The following GFY variants were observed in gnomAD, a reference collection of about 807,000 sequenced individuals.
GFY encodes Golgi-associated olfactory signaling regulator.
GFY carries 28 observed loss-of-function variants against 29.1 expected under a neutral mutation model. The ratio of observed to expected loss-of-function variants is 0.96; its 90% CI spans 0.71 to 1.32. GFY has a LOEUF of 1.32. Among genes scored for constraint, GFY ranks in the 40% most tolerant of loss-of-function variants. GFY has a pLI of 0.00. For missense variants in GFY, 656 were observed against 661.9 expected, an observed-to-expected ratio of 0.99 and a Z score of 0.10; for synonymous variants, 277 against 274.5, an observed-to-expected ratio of 1.01 and a Z score of -0.09.
At chr19:49,425,133 C>T (rs920132902), upstream of GFY, among the ~76,000 whole-genome samples, 1 of 151,872 alleles carries the variant, frequency 6.6e-6, no homozygotes, top group Non-Finnish European at 1.5e-5. Context: ...GGGGATACAA[C>T]TTAGGGGACT....
In GFY at chr19:49,427,409, C is replaced by T. The variant is rs1568631817; in HGVS notation, c.979C>T (p.Pro327Ser). 2.0e-6 allele frequency: 3 copies of T among 1,535,896 alleles called. No individual in the cohort carries two copies. Among genetic ancestry groups the T allele is most frequent in the Non-Finnish European group, 2.6e-6 (3 of 1,146,756 alleles). Residue 327 changes from proline (P) to serine (S), a missense_variant, in exon 2 of 4, where the codon CCA (proline) becomes TCA (serine). Pro to Ser is a moderately conservative substitution (Grantham distance 74, BLOSUM62 -1). Transcript: ENST00000610896. The part of the protein sequence containing the change: ...DSPKLPTSDS[P>S]GMVELKAPQN... Reference sequence around the variant, plus strand: ...CCCAAAATTGCCCACTTCAGATTCTCCAGGAATGGTTGAGCTGAAGGCCCC... The same window carrying T: ...CCCAAAATTGCCCACTTCAGATTCTTCAGGAATGGTTGAGCTGAAGGCCCC...
At chr19:49,424,556 T>A (rs1051291023), upstream of GFY, among the ~76,000 whole-genome samples, 1 of 149,624 alleles carries the variant, frequency 6.7e-6, no homozygotes, top group Non-Finnish European at 1.5e-5. Flanking sequence ...CACTGACTCT[T>A]AAGAGGGGCC....
At position 49,428,767 on chromosome 19, in the gene GFY, G is replaced by A; in HGVS notation, c.1506G>A (p.Pro502=). 3 of 1,507,530 alleles carry A rather than the reference G, an allele frequency of 2.0e-6. No homozygotes were observed. Among genetic ancestry groups the A allele is most frequent in the Non-Finnish European group, 2.6e-6 (3 of 1,132,778 alleles). 93.4% of individuals were successfully genotyped at this position (1,507,530 alleles called of 1,614,324 possible). Residue 502 remains proline (P), a synonymous_variant, in exon 4 of 4, where the codon CCG becomes CCA. Transcript: ENST00000610896. ...CCCCGCCGCCCCGCGGGGGTCGCCC[G>A]CAGCGTCTGGAGGCCCTGTCCCCCG... The part of the protein sequence containing the change: ...KLPPPPRGGR[P]QRLEALSPAT...
At chr19:49,424,535 C>T (rs557423548), upstream of GFY, among the ~76,000 whole-genome samples, 10 of 152,194 alleles carry the variant, frequency 6.6e-5, no homozygotes, top group African/African-American at 2.2e-4. Context: ...TGAGCCAGCA[C>T]ACCCAGTCCA....
At position 49,427,454 on chromosome 19, in the gene GFY, G is replaced by C; in HGVS notation, c.1024G>C (p.Glu342Gln). Residue 342 changes from glutamate (E) to glutamine (Q), a missense_variant, in exon 2 of 4, where the codon GAG becomes CAG. Physicochemically the swap from Glu to Gln is conservative, Grantham distance 29 (BLOSUM62 2). Transcript: ENST00000610896. The part of the protein sequence containing the change: ...LKAPQNSGPK[E>Q]SNVPPPSARI... ...GGCCCCCCAGAACTCTGGCCCTAAGGAGTCCAACGTCCCTCCTCCCTCAGC... is the reference window on the plus strand; with the variant it reads ...GGCCCCCCAGAACTCTGGCCCTAAGCAGTCCAACGTCCCTCCTCCCTCAGC... 6.5e-7 allele frequency: 1 copy of C among 1,535,706 alleles called. No individual in the cohort carries two copies. The highest frequency in any genetic ancestry group is 8.7e-7 in the Non-Finnish European group (1 of 1,146,630).
intron 3 of GFY, 29 bp downstream of exon 3, chr19:49,428,148 A>G: frequency 6.6e-7 from 1 of 1,518,048 alleles, no homozygotes; most frequent in Non-Finnish European, 8.8e-7. Flanking sequence ...GAATGCCTGC[A>G]CTTTTCCATA....
In GFY at chr19:49,427,335, T is replaced by G. The variant is rs979373242; in HGVS notation, c.905T>G (p.Leu302Arg). The change falls in exon 2 of 4, where the codon CTG becomes CGG. Residue 302 changes from leucine to arginine, a missense_variant. Coordinates refer to ENST00000610896, the MANE Select transcript of GFY (RefSeq NM_001195256.2). ...FKDDATALNE[L>R]SLNPKPGTPA... ...GATGACGCCACTGCTCTAAATGAGC[T>G]GTCCCTGAATCCCAAACCAGGAACA... 46 of 1,536,118 alleles carry G rather than the reference T, an allele frequency of 3.0e-5. No individual in the cohort carries two copies. Among genetic ancestry groups the G allele is most frequent in the Non-Finnish European group, 3.7e-5 (43 of 1,146,918 alleles).
Position 49,427,511 on chromosome 19 carries a change from C to T in GFY, c.1081C>T (p.Arg361Cys), listed in dbSNP as rs1433190812. 12 of 1,529,850 alleles carry T rather than the reference C, an allele frequency of 7.8e-6. No homozygotes were observed. Among genetic ancestry groups the T allele is most frequent in the Admixed American group, 5.9e-5 (3 of 50,512 alleles). 94.8% of individuals were successfully genotyped at this position (1,529,850 alleles called of 1,614,324 possible). A position where few individuals can be genotyped will look rare whatever the true frequency, so the allele number is the denominator to read the frequency against. ...RIAGPPALPG[R>C]PSQLAPATLR... is the part of the protein sequence containing the mutation. ...TGCAGGTCCCCCTGCTCTTCCAGGG[C>T]GCCCCAGTCAGTTGGCCCCTGCCAC... Residue 361 changes from arginine to cysteine, a missense_variant, in exon 2 of 4, where the codon CGC becomes TGC. Coordinates refer to ENST00000610896, the MANE Select transcript of GFY (RefSeq NM_001195256.2).
chr19:49,428,621 C>T lies in GFY; in HGVS notation c.1360C>T (p.Leu454=). 1 of 1,472,470 alleles carries T rather than the reference C, an allele frequency of 6.8e-7. No homozygotes were observed. The highest frequency in any genetic ancestry group is 9.0e-7 in the Non-Finnish European group (1 of 1,105,948). The allele number at this position is 1,472,470 out of a possible 1,614,324, so 91.2% of individuals were successfully genotyped here. The change falls in exon 4 of 4, where the codon CTG becomes TTG. Residue 454 remains leucine (L), a splice_region_variant and synonymous_variant. Coordinates refer to ENST00000610896, the MANE Select transcript of GFY (RefSeq NM_001195256.2). ...ACCACGCCCCTTTGCACCCACAGTT[C>T]TGCATTTGGACGCCCCGAAAGACCC... ...RLPDDGDEPV[L]HLDAPKDPYD... is the part of the protein sequence containing the mutation.
Position 49,426,484 on chromosome 19 carries a change from G to A in GFY, c.54G>A (p.Arg18=), listed in dbSNP as rs1220819921. 1 of 1,536,048 alleles carries A rather than the reference G, an allele frequency of 6.5e-7. No homozygotes were observed. The highest frequency in any genetic ancestry group is 2.4e-5 in the East Asian group (1 of 40,906). ...TCGTCTTCCTCCTCGCCGGCCTGAGGTCCAAGGCCGCTCCCTCAGCCCCTC... is the reference window on the plus strand; with the variant it reads ...TCGTCTTCCTCCTCGCCGGCCTGAGATCCAAGGCCGCTCCCTCAGCCCCTC... ...LFLVFLLAGL[R]SKAAPSAPLP... The change falls in exon 2 of 4, where the codon AGG becomes AGA. Residue 18 remains arginine, a synonymous_variant. Transcript: ENST00000610896.
rs1453436869 is a variant in GFY, at chr19:49,428,346, G to A, written c.1357+227G>A. On this transcript the variant is annotated intron_variant, in intron 3 of 3. Transcript: ENST00000610896. ...TTCAGGCCCAGAGCCGGCCGTCCCCGCCAGCCCCGCCCCTGCCCCTCCAGG... is the reference window on the plus strand; with the variant it reads ...TTCAGGCCCAGAGCCGGCCGTCCCCACCAGCCCCGCCCCTGCCCCTCCAGG... Among the ~76,000 whole-genome samples, 5 of 151,750 alleles carry A rather than the reference G, an allele frequency of 3.3e-5. No homozygotes were observed. In the East Asian group the frequency reaches 9.8e-4, roughly 30 times the overall value.
upstream of GFY, chr19:49,423,774 CAA>C (rs1046627332): frequency 1.7e-5 from 3 of 177,522 alleles, no homozygotes; most frequent in Non-Finnish European, 3.5e-5. Context: ...AAGAGAAGGA[CAA>C]AGACAGAGTG....
chr19:49,426,710 C>T lies in GFY; in HGVS notation c.280C>T (p.Arg94Ter). The T allele has an allele frequency of 3.9e-6, 6 of 1,536,148 alleles. No individual in the cohort carries two copies. Among genetic ancestry groups the T allele is most frequent in the Non-Finnish European group, 5.2e-6 (6 of 1,146,880 alleles). The change falls in exon 2 of 4, where the codon CGA becomes TGA. Residue 94 changes from arginine (R) to a stop codon, truncating the protein, a stop_gained. Transcript: ENST00000610896. LOFTEE classifies it high-confidence loss of function. ...CACTGAGCCCCTCAACCCTGACCTCCGAGAAACCCCGCACCCAGAGTCTCC... is the reference window on the plus strand; with the variant it reads ...CACTGAGCCCCTCAACCCTGACCTCTGAGAAACCCCGCACCCAGAGTCTCC... ...DFTEPLNPDL[R>*]ETPHPESPET... is the part of the protein sequence containing the mutation.
In GFY at chr19:49,426,953, C is replaced by T. The variant is rs984734594; in HGVS notation, c.523C>T (p.Gln175Ter). The T allele has an allele frequency of 6.5e-7, 1 of 1,535,892 alleles. No individual in the cohort carries two copies. ...TGAGACCCCAAACACTGACCTTATG[C>T]AAACTACACCCCAAGAATCCCCAGA... ...FPETPNTDLM[Q>*]TTPQESPEIL... Residue 175 changes from glutamine to a stop codon, truncating the protein, a stop_gained, in exon 2 of 4, where the codon CAA (glutamine) becomes TAA (stop). Coordinates refer to ENST00000610896, the MANE Select transcript of GFY (RefSeq NM_001195256.2). LOFTEE classifies it high-confidence loss of function.
chr19:49,423,885 C>G (rs1975046560), upstream of GFY: 2 of 152,930 alleles, frequency 1.3e-5, no homozygotes, highest in Admixed American at 1.3e-4. Flanking sequence ...AACGAACAGT[C>G]AGATGGAGAT....
rs113645405 is a variant in GFY, at chr19:49,426,537, T to A, written c.107T>A (p.Met36Lys). The A allele has an allele frequency of 3.3e-6, 5 of 1,536,034 alleles. No individual in the cohort carries two copies. In the African/African-American group the frequency reaches 6.8e-5, roughly 21 times the overall value. Residue 36 changes from methionine to lysine, a missense_variant, in exon 2 of 4, where the codon ATG (methionine) becomes AAG (lysine). Coordinates refer to ENST00000610896, the MANE Select transcript of GFY (RefSeq NM_001195256.2). ...PLPLGCGFPD[M>K]AHPSETSPLK... ...CCTTTGGGCTGTGGCTTTCCGGACA[T>A]GGCCCACCCCTCTGAGACTTCCCCT...
rs766749147 is a variant in GFY, at chr19:49,426,576, C to G, written c.146C>G (p.Ser49Cys). The G allele has an allele frequency of 6.5e-7, 1 of 1,536,116 alleles. No homozygotes were observed. The highest frequency in any genetic ancestry group is 1.2e-5 in the South Asian group (1 of 84,054). ...PSETSPLKGA[S>C]ENSKRDRLNP... ...GAGACTTCCCCTCTGAAGGGTGCTT[C>G]TGAAAATTCCAAACGAGATCGCCTT... is the stretch of plus-strand genomic sequence containing the variant. Residue 49 changes from serine (S) to cysteine (C), a missense_variant, in exon 2 of 4, where the codon TCT becomes TGT. By Grantham distance (112) the Ser-to-Cys change is moderately radical. Coordinates refer to ENST00000610896, the MANE Select transcript of GFY (RefSeq NM_001195256.2).
chr19:49,424,181 G>A (rs908381556), upstream of GFY, among the ~76,000 whole-genome samples: 2 of 152,148 alleles, frequency 1.3e-5, no homozygotes, highest in Admixed American at 6.5e-5. Context: ...TTATCTGGGA[G>A]GAGTTTGGGG....
chr19:49,427,248 C>T lies in GFY; in HGVS notation c.818C>T (p.Pro273Leu). 1.3e-6 allele frequency: 2 copies of T among 1,536,134 alleles called. No homozygotes were observed. Among genetic ancestry groups the T allele is most frequent in the Non-Finnish European group, 1.7e-6 (2 of 1,146,914 alleles). Residue 273 changes from proline (P) to leucine (L), a missense_variant, in exon 2 of 4, where the codon CCC becomes CTC. By Grantham distance (98) the Pro-to-Leu change is moderately conservative (BLOSUM62 -3). Coordinates refer to ENST00000610896, the MANE Select transcript of GFY (RefSeq NM_001195256.2). ...TACTACCAAAATGCAACAGATGTAC[C>T]CAGGACCTCCGACCCTCAAATCTCC... ...TTYYQNATDV[P>L]RTSDPQISTS... is the part of the protein sequence containing the mutation.
Sources: gnomAD v4.1 joint callset for allele counts (sites outside exome capture counted in the v4.1 genomes callset) on GRCh38, gnomAD v4.1.1 for gene constraint, MANE v1.5 for transcripts, NCBI Gene and HGNC (gene_info 2026-07-23, HGNC 2026-07-21) for gene names.